KLHL10: variants seen among roughly 807,000 people sequenced by gnomAD.
The protein encoded by KLHL10 is kelch-like protein 10.
KLHL10 carries 11 observed loss-of-function variants against 46.6 expected under a neutral mutation model. The ratio of observed to expected loss-of-function variants is 0.24; its 90% CI spans 0.15 to 0.39. The LOEUF (loss-of-function observed/expected upper bound fraction) is 0.39. Among genes scored for constraint, KLHL10 ranks in the 10% least tolerant of loss-of-function variants. The pLI, the probability that KLHL10 is intolerant of heterozygous loss-of-function variation, is 1.00. For missense variants in KLHL10, 475 were observed against 789.8 expected, an observed-to-expected ratio of 0.60 and a Z score of 4.78; for synonymous variants, 254 against 279.1, an observed-to-expected ratio of 0.91 and a Z score of 0.90.
chr17:41,840,480 C>A (rs1001373131), intron 1 of KLHL10, among the ~76,000 whole-genome samples: 10 of 151,682 alleles, frequency 6.6e-5, no homozygotes, highest in East Asian at 5.9e-4. Flanking sequence ...ATACAAAAAA[C>A]CGGGCATAAA....
chr17:41,837,740 G>A, upstream of KLHL10: 1 of 1,372,796 alleles, frequency 7.3e-7, no homozygotes, highest in Non-Finnish European at 9.6e-7. Context: ...AAGTCCAGGA[G>A]GCAGTTCCAG....
intron 4 of KLHL10, among the ~76,000 whole-genome samples, 189 bp downstream of exon 4, chr17:41,847,599 G>A (rs11869280): frequency 0.015 from 2,241 of 151,468 alleles, 58 homozygotes; most frequent in African/African-American, 0.051. Context: ...TCTGCCTCCC[G>A]GGTTCATGCC....
upstream of KLHL10, chr17:41,835,941 T>G: frequency 6.3e-7 from 1 of 1,594,838 alleles, no homozygotes; most frequent in Non-Finnish European, 8.5e-7. Context: ...GACCGTGGCC[T>G]TCATCAGGGT....
intron 4 of KLHL10, 106 bp downstream of exon 4, chr17:41,847,516 T>C: frequency 1.4e-6 from 2 of 1,417,800 alleles, no homozygotes; most frequent in Admixed American, 3.5e-5. Flanking sequence ...AAAGCTTTTT[T>C]TTTTTTTGAG....
At chr17:41,844,783 C>T (rs146029087) in intron 2 of KLHL10, among the ~76,000 whole-genome samples, 54 of 151,690 alleles carry the variant, frequency 3.6e-4, no homozygotes, top group African/African-American at 1.2e-3. Flanking sequence ...TCCTGACCTC[C>T]GGTGATCCGC....
Position 41,845,511 on chromosome 17 carries a change from A to G in KLHL10, c.1070A>G (p.Lys357Arg), listed in dbSNP as rs200544803. Residue 357 changes from lysine (K) to arginine (R), a missense_variant, in exon 3 of 5, where the codon AAG (lysine) becomes AGG (arginine). By Grantham distance (26) the Lys-to-Arg change is conservative (BLOSUM62 2). Coordinates refer to ENST00000293303, the MANE Select transcript of KLHL10 (RefSeq NM_152467.5). ...FDSVDYFNSV[K>R]RFDPVKKTWH... Reference sequence around the variant, plus strand: ...AGTGTAGACTATTTCAATAGTGTTAAGCGTTTTGACCCAGTCAAGAAAACT... The same window carrying G: ...AGTGTAGACTATTTCAATAGTGTTAGGCGTTTTGACCCAGTCAAGAAAACT... 5.3e-5 allele frequency: 86 copies of G among 1,614,208 alleles called. 1 individual carries two copies. In the Middle Eastern group the frequency reaches 1.3e-3, roughly 25 times the overall value.
chr17:41,843,054 A>C (rs1172734122), intron 2 of KLHL10, among the ~76,000 whole-genome samples: 2 of 150,578 alleles, frequency 1.3e-5, no homozygotes, highest in African/African-American at 4.9e-5. Context: ...TGAGCCTGGG[A>C]GGTCAAGGCT....
rs371705445 is a variant in KLHL10, at chr17:41,845,420, A to C, written c.979A>C (p.Ser327Arg). The C allele has an allele frequency of 3.1e-6, 5 of 1,614,096 alleles. No individual in the cohort carries two copies. The highest frequency in any genetic ancestry group is 4.2e-6 in the Non-Finnish European group (5 of 1,180,050). Residue 327 changes from serine to arginine, a missense_variant, in exon 3 of 5, where the codon AGT (serine) becomes CGT (arginine). Physicochemically the swap from Ser to Arg is moderately radical, Grantham distance 110. Coordinates refer to ENST00000293303, the MANE Select transcript of KLHL10 (RefSeq NM_152467.5). ...RWVNVTCEEE[S>R]PRAYHGAAYL... The stretch of plus-strand genomic sequence containing the variant: ...GGTGAATGTTACTTGTGAGGAAGAG[A>C]GTCCCCGTGCCTACCATGGGGCAGC...
rs1555621222 is a variant in KLHL10 at position 41,845,368 on chromosome 17, G to A, written c.927G>A (p.Glu309=). ...GTGGGAGCCCCACCAATGCCATTGA[G>A]GCATATGACGCTCGGGCAGACAGAT... The part of the protein sequence containing the change: ...WSGGSPTNAI[E]AYDARADRWV... The change falls in exon 3 of 5, where the codon GAG becomes GAA. Residue 309 remains glutamate (E), a synonymous_variant. Transcript: ENST00000293303. The A allele has an allele frequency of 1.9e-6, 3 of 1,614,200 alleles. No individual in the cohort carries two copies.
At chr17:41,843,829 G>C (rs184465362) in intron 2 of KLHL10, among the ~76,000 whole-genome samples, 1 of 148,220 alleles carries the variant, frequency 6.7e-6, no homozygotes, top group Non-Finnish European at 1.5e-5. Flanking sequence ...TGATGCGATC[G>C]CGGCTCACTG....
chr17:41,837,746 T>A (rs2048180472), upstream of KLHL10: 1 of 1,402,128 alleles, frequency 7.1e-7, no homozygotes, highest in South Asian at 1.5e-5. Flanking sequence ...AGGAGGCAGT[T>A]CCAGAACCTG....
chr17:41,843,186 A>G (rs569694904), intron 2 of KLHL10, among the ~76,000 whole-genome samples: 9 of 151,856 alleles, frequency 5.9e-5, no homozygotes, highest in African/African-American at 2.2e-4. Flanking sequence ...CTTTCTATGA[A>G]TTTCTCCATA....
Position 41,840,914 on chromosome 17 carries a change from G to A in KLHL10, c.195-909G>A, listed in dbSNP as rs377392315. Among the ~76,000 whole-genome samples the A allele has an allele frequency of 1.1e-3, 167 of 152,202 alleles. 4 individuals are homozygous for A. In the South Asian group the frequency reaches 0.032, roughly 29 times the overall value. ...GCAGATCACCTGAGGTCAGGAGTGC[G>A]AGACAAGCCTGACCAATATGATGAA... On this transcript the variant is annotated intron_variant, in intron 1 of 4. Transcript: ENST00000293303.
At chr17:41,835,724 C>T (rs1555619826), upstream of KLHL10, 1 of 953,544 alleles carries the variant, frequency 1.0e-6, no homozygotes, top group South Asian at 1.4e-5. Flanking sequence ...ACCCGCTCTC[C>T]TTCAAGCTCC....
At position 41,845,444 on chromosome 17, in the gene KLHL10, G is replaced by A; in HGVS notation, c.1003G>A (p.Ala335Thr). 6.2e-7 allele frequency: 1 copy of A among 1,614,230 alleles called. No individual in the cohort carries two copies. Among genetic ancestry groups the A allele is most frequent in the East Asian group, 2.2e-5 (1 of 44,888 alleles). Residue 335 changes from alanine to threonine, a missense_variant, in exon 3 of 5, where the codon GCC (alanine) becomes ACC (threonine). By Grantham distance (58) the Ala-to-Thr change is moderately conservative. Transcript: ENST00000293303. ...GAGTCCCCGTGCCTACCATGGGGCA[G>A]CCTATTTGAAAGGCTATGTGTATAT... ...EESPRAYHGA[A>T]YLKGYVYIIG...
upstream of KLHL10, chr17:41,836,086 A>G: frequency 7.4e-7 from 1 of 1,350,968 alleles, no homozygotes; most frequent in Middle Eastern, 2.5e-4. Flanking sequence ...GGCCTGGGTG[A>G]AGCGGCGGTG....
At chr17:41,839,279 T>A (rs1312451679) in intron 1 of KLHL10, among the ~76,000 whole-genome samples, 1 of 152,176 alleles carries the variant, frequency 6.6e-6, no homozygotes, top group Non-Finnish European at 1.5e-5. Context: ...CATGAGCCAC[T>A]GCACCCAGCC....
At chr17:41,837,578 A>G, upstream of KLHL10, 1 of 1,104,890 alleles carries the variant, frequency 9.1e-7, no homozygotes, top group African/African-American at 1.6e-5. Context: ...AGGGATAGAG[A>G]CCTGTATCAG....
intron 1 of KLHL10, among the ~76,000 whole-genome samples, chr17:41,841,146 A>G (rs2048222218): frequency 6.6e-6 from 1 of 152,000 alleles, no homozygotes; most frequent in African/African-American, 2.4e-5. Context: ...TTTCCAAAAA[A>G]AAAAAGAAAA....
Sources: allele counts gnomAD v4.1 joint callset (sites outside exome capture counted in the v4.1 genomes callset), GRCh38; gene constraint gnomAD v4.1.1; transcripts MANE v1.5; gene names NCBI Gene and HGNC (gene_info 2026-07-23, HGNC 2026-07-21).